ZNF92: variants seen among roughly 807,000 people sequenced by gnomAD.
The protein encoded by ZNF92 is zinc finger protein 92, also known as epididymis luminal protein 203.
In ZNF92, 11 loss-of-function variants were observed where a neutral mutation model predicts 12.4. That is an observed-to-expected ratio of 0.89 (90% CI 0.56 to 1.47). ZNF92 has a LOEUF of 1.47. Ranked by LOEUF, ZNF92 falls within the 40% of genes most tolerant of loss-of-function variation. The probability of loss-of-function intolerance (pLI) is 0.00; values close to 1 mark genes in which losing one functional copy is unlikely to be tolerated. For synonymous variants in ZNF92, 206 were observed against 228.6 expected (o/e 0.90, Z 0.89); for missense variants, 622 against 681.0 (o/e 0.91, Z 0.96).
At chr7:65,384,181 A>T (rs1043996090) in intron 1 of ZNF92, among the ~76,000 whole-genome samples, 13 of 152,188 alleles carry the variant, frequency 8.5e-5, no homozygotes, top group African/African-American at 3.1e-4. Context: ...GCTTATTAGT[A>T]TATGTTATAA....
At chr7:65,376,319 A>G (rs2116329653) in intron 1 of ZNF92, among the ~76,000 whole-genome samples, 1 of 152,228 alleles carries the variant, frequency 6.6e-6, no homozygotes, top group African/African-American at 2.4e-5. Context: ...GAAAGGTAAG[A>G]CATATTTACA....
Position 65,398,699 on chromosome 7 carries a change from T to C in ZNF92, c.585T>C (p.His195=). Residue 195 remains histidine (H), a synonymous_variant, in exon 4 of 4, where the codon CAT becomes CAC. Transcript: ENST00000328747. ...LSQLTQHKKI[H]TREYSYKCEE... is the part of the protein sequence containing the mutation. ...AATTAACTCAACATAAGAAAATTCATACTAGAGAGTATTCTTACAAATGTG... is the reference window on the plus strand; with the variant it reads ...AATTAACTCAACATAAGAAAATTCACACTAGAGAGTATTCTTACAAATGTG... 1 of 1,611,594 alleles carries C rather than the reference T, an allele frequency of 6.2e-7. No individual in the cohort carries two copies.
Position 65,388,909 on chromosome 7 carries a change from A to T in ZNF92, c.226+8A>T, listed in dbSNP as rs1793639870. 6.4e-7 allele frequency: 1 copy of T among 1,566,282 alleles called. No individual in the cohort carries two copies. Among genetic ancestry groups the T allele is most frequent in the African/African-American group, 1.4e-5 (1 of 73,346 alleles). ...TGGTAGACAAAACCCCAGGTAGGTG[A>T]CAGTTAATACAACAGACAACACAAA... On this transcript the variant is annotated splice_region_variant and intron_variant, in intron 3 of 3. Coordinates refer to ENST00000328747, the MANE Select transcript of ZNF92 (RefSeq NM_152626.4).
chr7:65,399,288 A>C lies in ZNF92; in HGVS notation c.1174A>C (p.Thr392Pro). 1 of 1,612,754 alleles carries C rather than the reference A, an allele frequency of 6.2e-7. No individual in the cohort carries two copies. The highest frequency in any genetic ancestry group is 1.1e-5 in the South Asian group (1 of 90,972). ...CCTTACTAAACATAAAAGAATTCAT[A>C]CGGGAGAAAAACCCTACAAATGTGA... ...STLTKHKRIHTGEKPYKCEEC... is the reference protein window; with the variant it reads ...STLTKHKRIHPGEKPYKCEEC... The change falls in exon 4 of 4, where the codon ACG (threonine) becomes CCG (proline). Residue 392 changes from threonine (T) to proline (P), a missense_variant. Transcript: ENST00000328747.
chr7:65,397,009 A>G (rs533525198), intron 3 of ZNF92, among the ~76,000 whole-genome samples: 1 of 151,344 alleles, frequency 6.6e-6, no homozygotes, highest in Non-Finnish European at 1.5e-5. Context: ...CCTCTGTACT[A>G]CTTTTTTTTT....
At chr7:65,374,322 T>A (rs1038436088) in intron 1 of ZNF92, among the ~76,000 whole-genome samples, 1 of 152,098 alleles carries the variant, frequency 6.6e-6, no homozygotes, top group Non-Finnish European at 1.5e-5. Flanking sequence ...AAGAGAAGAA[T>A]CCTGACTCGG....
intron 3 of ZNF92, among the ~76,000 whole-genome samples, chr7:65,390,386 A>G (rs747123170): frequency 2.0e-5 from 3 of 152,088 alleles, no homozygotes; most frequent in Non-Finnish European, 2.9e-5. Context: ...TGAAGGAGCA[A>G]ACAGCTCTTC....
Position 65,398,877 on chromosome 7 carries a change from A to G in ZNF92, c.763A>G (p.Lys255Glu). Residue 255 changes from lysine to glutamate, a missense_variant, in exon 4 of 4, where the codon AAA becomes GAA. Transcript: ENST00000328747. ...TKHKIIHTGE[K>E]PYKCEECGKA... Reference sequence around the variant, plus strand: ...ACATAAAATAATTCATACTGGAGAGAAACCCTACAAATGTGAAGAATGTGG... The same window carrying G: ...ACATAAAATAATTCATACTGGAGAGGAACCCTACAAATGTGAAGAATGTGG... The G allele has an allele frequency of 6.2e-7, 1 of 1,613,062 alleles. No homozygotes were observed. The highest frequency in any genetic ancestry group is 1.1e-5 in the South Asian group (1 of 91,038).
chr7:65,385,840 GA>G (rs1032416597), intron 1 of ZNF92, among the ~76,000 whole-genome samples: 2 of 151,926 alleles, frequency 1.3e-5, no homozygotes, highest in Non-Finnish European at 2.9e-5. Flanking sequence ...GGAAGAGAAA[GA>G]GGAAAAAATG....
intron 1 of ZNF92, among the ~76,000 whole-genome samples, chr7:65,380,091 C>T (rs1793365410): frequency 6.6e-6 from 1 of 152,004 alleles, no homozygotes; most frequent in South Asian, 2.1e-4. Flanking sequence ...TGTTATTTAG[C>T]TCTTATAAAT....
intron 2 of ZNF92, 87 bp downstream of exon 2, chr7:65,388,115 T>A: frequency 2.2e-6 from 3 of 1,391,918 alleles, no homozygotes; most frequent in Non-Finnish European, 2.9e-6. Context: ...ATTTATGCTT[T>A]GCATAAATGA....
chr7:65,399,572 T>C lies in ZNF92; in HGVS notation c.1458T>C (p.Cys486=), dbSNP rs141670444. ...TREKPYKCEE[C]GKAFNQSSIF... is the part of the protein sequence containing the mutation. Reference sequence around the variant, plus strand: ...AAAAACCCTACAAATGTGAAGAATGTGGCAAAGCCTTTAACCAGTCCTCAA... The same window carrying C: ...AAAAACCCTACAAATGTGAAGAATGCGGCAAAGCCTTTAACCAGTCCTCAA... The change falls in exon 4 of 4, where the codon TGT becomes TGC. Residue 486 remains cysteine, a synonymous_variant. Coordinates refer to ENST00000328747, the MANE Select transcript of ZNF92 (RefSeq NM_152626.4). 4.3e-6 allele frequency: 7 copies of C among 1,613,800 alleles called. No homozygotes were observed. Among genetic ancestry groups the C allele is most frequent in the African/African-American group, 1.3e-5 (1 of 75,050 alleles).
chr7:65,399,450 A>G lies in ZNF92; in HGVS notation c.1336A>G (p.Asn446Asp). 6.2e-7 allele frequency: 1 copy of G among 1,613,638 alleles called. No homozygotes were observed. Among genetic ancestry groups the G allele is most frequent in the Non-Finnish European group, 8.5e-7 (1 of 1,179,796 alleles). The change falls in exon 4 of 4, where the codon AAT becomes GAT. Residue 446 changes from asparagine to aspartate, a missense_variant. Coordinates refer to ENST00000328747, the MANE Select transcript of ZNF92 (RefSeq NM_152626.4). ...CTCAGCTTTTACTAAACATAAGAGAAATCATATGGAAGATAAACCCTACAA... is the reference window on the plus strand; with the variant it reads ...CTCAGCTTTTACTAAACATAAGAGAGATCATATGGAAGATAAACCCTACAA... ...WSSAFTKHKR[N>D]HMEDKPYKCE...
At chr7:65,375,873 T>C (rs1793224000) in intron 1 of ZNF92, among the ~76,000 whole-genome samples, 1 of 151,906 alleles carries the variant, frequency 6.6e-6, no homozygotes, top group Admixed American at 6.6e-5. Flanking sequence ...CCCAGTGAGA[T>C]GGTACAAGAA....
intron 1 of ZNF92, among the ~76,000 whole-genome samples, chr7:65,387,198 T>C (rs1162549024): frequency 6.6e-6 from 1 of 151,654 alleles, no homozygotes; most frequent in Non-Finnish European, 1.5e-5. Context: ...CACCGCAGCC[T>C]CCCAAACTGC....
chr7:65,386,731 A>T (rs1027228585), intron 1 of ZNF92, among the ~76,000 whole-genome samples: 1 of 152,136 alleles, frequency 6.6e-6, no homozygotes, highest in Non-Finnish European at 1.5e-5. Flanking sequence ...ATGTTTCTTT[A>T]TGGTTAAATT....
intron 1 of ZNF92, among the ~76,000 whole-genome samples, chr7:65,374,693 C>G (rs1793192296): frequency 6.6e-6 from 1 of 151,552 alleles, no homozygotes; most frequent in South Asian, 2.1e-4. Flanking sequence ...TTTACCCTCC[C>G]CTCCCCCCGC....
intron 1 of ZNF92, among the ~76,000 whole-genome samples, chr7:65,383,345 G>C (rs1212253793): frequency 6.6e-6 from 1 of 152,140 alleles, no homozygotes; most frequent in Non-Finnish European, 1.5e-5. Flanking sequence ...TAACACCCAA[G>C]AATGCAGAGC....
At chr7:65,380,276 C>T (rs1045627756) in intron 1 of ZNF92, among the ~76,000 whole-genome samples, 2 of 151,822 alleles carry the variant, frequency 1.3e-5, no homozygotes, top group African/African-American at 4.8e-5. Context: ...TTATTTATTT[C>T]TGAAGACAGG....
Sources: gnomAD v4.1 joint callset for allele counts (sites outside exome capture counted in the v4.1 genomes callset) on GRCh38, gnomAD v4.1.1 for gene constraint, MANE v1.5 for transcripts, NCBI Gene and HGNC (gene_info 2026-07-23, HGNC 2026-07-21) for gene names.